The following RRP15 variants were observed in gnomAD, a reference collection of about 807,000 sequenced individuals.
RRP15 encodes the protein RRP15-like protein.
RRP15 carries 18 observed loss-of-function variants against 27.1 expected under a neutral mutation model. The ratio of observed to expected loss-of-function variants is 0.66; its 90% CI spans 0.46 to 0.98. RRP15 has a LOEUF of 0.98. Among genes scored for constraint, RRP15 ranks in the 50% least tolerant of loss-of-function variants. The pLI is 0.00. For synonymous variants in RRP15, 107 were observed against 109.4 expected (o/e 0.98, Z 0.14); for missense variants, 359 against 337.8 (o/e 1.06, Z -0.49).
intron 1 of RRP15, among the ~76,000 whole-genome samples, chr1:218,300,012 A>T (rs958069655): frequency 6.6e-6 from 1 of 152,084 alleles, no homozygotes; most frequent in African/African-American, 2.4e-5. Context: ...ATGGGCAATA[A>T]TAAGGTTCTT....
At chr1:218,295,500 G>GA (rs1022178306) in intron 1 of RRP15, among the ~76,000 whole-genome samples, 1 of 152,120 alleles carries the variant, frequency 6.6e-6, no homozygotes, top group Non-Finnish European at 1.5e-5. Context: ...TTATGTATGT[G>GA]AAAAATGGCC....
chr1:218,301,232 G>A (rs1254824225), intron 1 of RRP15: 1 of 152,166 alleles, frequency 6.6e-6, no homozygotes, highest in Non-Finnish European at 1.5e-5. Context: ...TGACTTCTCA[G>A]CCTTCTTTGT....
rs898292018 is a variant in RRP15 at position 218,332,408 on chromosome 1, T to G, written c.*1317T>G. Reference sequence around the variant, plus strand: ...GTGAAATGTGGCCCAAGATCTAAAGTTTTTAAGGGAATTATTTTTAATAAA... The same window carrying G: ...GTGAAATGTGGCCCAAGATCTAAAGGTTTTAAGGGAATTATTTTTAATAAA... On this transcript the variant is annotated 3_prime_UTR_variant, in exon 5 of 5. Transcript: ENST00000366932. 6.6e-6 allele frequency: 1 copy of G among 152,126 alleles called. No individual in the cohort carries two copies. Among genetic ancestry groups the G allele is most frequent in the Non-Finnish European group, 1.5e-5 (1 of 68,002 alleles). The allele number at this position is 152,126 out of a possible 1,614,324, so 9.4% of individuals were successfully genotyped here.
At chr1:218,321,809 A>G (rs538680322) in intron 4 of RRP15, among the ~76,000 whole-genome samples, 1 of 152,104 alleles carries the variant, frequency 6.6e-6, no homozygotes, top group African/African-American at 2.4e-5. Context: ...TGAATGACAC[A>G]TTTAGAATTT....
chr1:218,322,235 T>C (rs1656197610), intron 4 of RRP15, among the ~76,000 whole-genome samples: 1 of 152,166 alleles, frequency 6.6e-6, no homozygotes, highest in Non-Finnish European at 1.5e-5. Context: ...ACTTCACTTC[T>C]CTGAGCCTTA....
intron 4 of RRP15, among the ~76,000 whole-genome samples, chr1:218,319,487 G>A (rs564491821): frequency 1.1e-4 from 17 of 152,130 alleles, no homozygotes; most frequent in Non-Finnish European, 2.4e-4. Context: ...TGTGTAAACT[G>A]GCTCATGTGT....
chr1:218,328,919 C>T (rs1056141283), intron 4 of RRP15, among the ~76,000 whole-genome samples: 1 of 152,098 alleles, frequency 6.6e-6, no homozygotes, highest in African/African-American at 2.4e-5. Flanking sequence ...TGAGATTGTA[C>T]TTGTTCATAT....
At chr1:218,298,946 G>T (rs953035782) in intron 1 of RRP15, among the ~76,000 whole-genome samples, 5 of 152,074 alleles carry the variant, frequency 3.3e-5, no homozygotes, top group African/African-American at 1.2e-4. Context: ...CAACACACAG[G>T]ACTTCAAAGG....
intron 4 of RRP15, among the ~76,000 whole-genome samples, chr1:218,309,178 A>C (rs12090449): frequency 0.051 from 7,802 of 152,256 alleles, 688 homozygotes; most frequent in African/African-American, 0.18. Flanking sequence ...CTTAAGCCAA[A>C]GTGATTTTGC....
chr1:218,296,199 A>G (rs1251176862), intron 1 of RRP15, among the ~76,000 whole-genome samples: 2 of 152,248 alleles, frequency 1.3e-5, no homozygotes, highest in African/African-American at 2.4e-5. Flanking sequence ...TTAGTTCAGT[A>G]CACATTAGTC....
chr1:218,285,361 C>T lies in RRP15; in HGVS notation c.45C>T (p.Asn15=), dbSNP rs1655526986. 6.2e-7 allele frequency: 1 copy of T among 1,614,058 alleles called. No individual in the cohort carries two copies. The highest frequency in any genetic ancestry group is 8.5e-7 in the Non-Finnish European group (1 of 1,180,004). The change falls in exon 1 of 5, where the codon AAC becomes AAT. Residue 15 remains asparagine, a synonymous_variant. Coordinates refer to ENST00000366932, the MANE Select transcript of RRP15 (RefSeq NM_016052.4). ...ACTCACGTGTGAGTGAGGAAGAAAACCTGAAAAAGACCCCAAAGAAGAAGA... is the reference window on the plus strand; with the variant it reads ...ACTCACGTGTGAGTGAGGAAGAAAATCTGAAAAAGACCCCAAAGAAGAAGA... ...APDSRVSEEE[N]LKKTPKKKMK...
chr1:218,290,705 T>C (rs1452117466), intron 1 of RRP15, among the ~76,000 whole-genome samples: 1 of 152,154 alleles, frequency 6.6e-6, no homozygotes, highest in Non-Finnish European at 1.5e-5. Flanking sequence ...ATGAGCTCAA[T>C]TGATCTGCCT....
chr1:218,330,400 A>G (rs1477203888), intron 4 of RRP15, among the ~76,000 whole-genome samples: 1 of 152,234 alleles, frequency 6.6e-6, no homozygotes, highest in East Asian at 1.9e-4. Context: ...CAGTGAGCTC[A>G]TAACCTAAAT....
chr1:218,301,977 CCATGCCAA>C (rs2102497788), intron 1 of RRP15: 2 of 281,764 alleles, frequency 7.1e-6, no homozygotes, highest in South Asian at 1.9e-4. Context: ...TGCACCAACT[CCATGCCAA>C]CATCTGTCAC....
At chr1:218,302,090 T>C in intron 1 of RRP15, 1 of 512,998 alleles carries the variant, frequency 1.9e-6, no homozygotes, top group Non-Finnish European at 3.4e-6. Flanking sequence ...CCTGTATATG[T>C]GGCTGGGCGA....
intron 4 of RRP15, among the ~76,000 whole-genome samples, chr1:218,329,897 G>C (rs1656338906): frequency 6.6e-6 from 1 of 151,740 alleles, no homozygotes; most frequent in African/African-American, 2.4e-5. Flanking sequence ...ATAGCAGTTA[G>C]GTAAGTAATC....
intron 1 of RRP15, chr1:218,302,067 T>C: frequency 2.2e-6 from 1 of 447,792 alleles, no homozygotes. Context: ...GTTTGGAAGC[T>C]GCTGTGACAT....
chr1:218,285,788 G>A (rs1655536397), intron 1 of RRP15, among the ~76,000 whole-genome samples: 1 of 152,076 alleles, frequency 6.6e-6, no homozygotes, highest in African/African-American at 2.4e-5. Flanking sequence ...AACAGGAGAA[G>A]AATGGGTCTC....
chr1:218,299,071 G>T (rs938143103), intron 1 of RRP15, among the ~76,000 whole-genome samples: 1 of 152,112 alleles, frequency 6.6e-6, no homozygotes, highest in African/African-American at 2.4e-5. Context: ...ATTTGATTAG[G>T]ATATAATAAT....
Sources: allele counts gnomAD v4.1 joint callset (sites outside exome capture counted in the v4.1 genomes callset), GRCh38; gene constraint gnomAD v4.1.1; transcripts MANE v1.5; gene names NCBI Gene and HGNC (gene_info 2026-07-23, HGNC 2026-07-21).